Variants in CUL9 observed in about 807,000 individuals in gnomAD.
The protein encoded by CUL9 is cullin-9.
CUL9 carries 79 observed loss-of-function variants against 272.6 expected under a neutral mutation model. That is an observed-to-expected ratio of 0.29 (90% CI 0.24 to 0.35). The LOEUF is 0.35. Ranked by LOEUF, CUL9 falls within the 10% of genes least tolerant of loss-of-function variation. The pLI, the probability that CUL9 is intolerant of heterozygous loss-of-function variation, is 1.00. For synonymous variants in CUL9, 1,186 were observed against 1,286.5 expected (o/e 0.92, Z 1.67); for missense variants, 2,532 against 3,255.6 (o/e 0.78, Z 5.41).
At chr6:43,194,505 G>C (rs1773823445) in intron 9 of CUL9, among the ~76,000 whole-genome samples, 1 of 151,476 alleles carries the variant, frequency 6.6e-6, no homozygotes, top group Admixed American at 6.6e-5. Flanking sequence ...ATTTTTAGTA[G>C]AGACGGGGTT....
Position 43,191,481 on chromosome 6 carries a change from A to ATTTTTTTTTTTTTTTTTTTT in CUL9, c.2181-1515_2181-1496dup, listed in dbSNP as rs34090146. Among the ~76,000 whole-genome samples the ATTTTTTTTTTTTTTTTTTTT allele has an allele frequency of 6.4e-4, 62 of 97,426 alleles. 1 individual carries two copies. Among genetic ancestry groups the ATTTTTTTTTTTTTTTTTTTT allele is most frequent in the African/African-American group, 9.6e-4 (19 of 19,742 alleles). The allele number at this position is 97,426 out of a possible 152,430, so 63.9% of individuals were successfully genotyped here. The stretch of plus-strand genomic sequence containing the variant: ...AGGAATGAGCCACCACACCCAGCTA[A>ATTTTTTTTTTTTTTTTTTTT]TTTTTTTTTTTTTTTTTTTTTTTTA... On this transcript the variant is annotated intron_variant, in intron 8 of 40. Transcript: ENST00000252050.
In CUL9 at chr6:43,196,759, C is replaced by T. The variant is rs770279894; in HGVS notation, c.2700C>T (p.His900=). 5 of 1,614,106 alleles carry T rather than the reference C, an allele frequency of 3.1e-6. No individual in the cohort carries two copies. The South Asian group carries it at 4.4e-5, about 14-fold the overall frequency. ...AGCTGAGAGACACGTTGTTTAGGCACTCAGGGATAGCACCAAGAACAGAAC... is the reference window on the plus strand; with the variant it reads ...AGCTGAGAGACACGTTGTTTAGGCATTCAGGGATAGCACCAAGAACAGAAC... ...TQELRDTLFR[H]SGIAPRTEPM... Residue 900 remains histidine (H), a synonymous_variant, in exon 11 of 41, where the codon CAC becomes CAT. Transcript: ENST00000252050.
rs1360943306 is a variant in CUL9, at chr6:43,187,142, T to A, written c.1387+47T>A. ...GATAGCATGTCTCTGAACAGAGGAT[T>A]AGTGACTGGGATGAAGCCACTTCTG... On this transcript the variant is annotated intron_variant, in intron 5 of 40. Coordinates refer to ENST00000252050, the MANE Select transcript of CUL9 (RefSeq NM_015089.4). The A allele has an allele frequency of 2.5e-6, 4 of 1,608,832 alleles. No individual in the cohort carries two copies. In the Admixed American group the frequency reaches 6.7e-5, roughly 27 times the overall value.
Position 43,205,360 on chromosome 6 carries a change from A to T in CUL9, c.4730A>T (p.His1577Leu). Residue 1577 changes from histidine to leucine, a missense_variant, in exon 24 of 41, where the codon CAC becomes CTC. Coordinates refer to ENST00000252050, the MANE Select transcript of CUL9 (RefSeq NM_015089.4). ...GAAATGCTGGGGCAGCTTCAGCGGC[A>T]CCTGGAACCCATTATGGTCCTTTCT... ...GVEMLGQLQRHLEPIMVLSGL... is the reference protein window; with the variant it reads ...GVEMLGQLQRLLEPIMVLSGL... The T allele has an allele frequency of 6.2e-7, 1 of 1,614,194 alleles. No individual in the cohort carries two copies. Among genetic ancestry groups the T allele is most frequent in the Middle Eastern group, 1.6e-4 (1 of 6,062 alleles).
rs1774794192 is a variant in CUL9 at position 43,203,491 on chromosome 6, G to T, written c.3924G>T (p.Glu1308Asp). ...CCACATTCTGGCCACTGTTCCGGGA[G>T]CAGCTGTGTCGCCGAACATGTCTCT... ...PKPTFWPLFR[E>D]QLCRRTCLFY... is the part of the protein sequence containing the mutation. The change falls in exon 19 of 41, where the codon GAG becomes GAT. Residue 1308 changes from glutamate to aspartate, a missense_variant. Around this residue, in one of 3 missense-constraint regions of CUL9, gnomAD observed 2,218 missense variants for 2,788.6 expected, o/e 0.80. Transcript: ENST00000252050. The surrounding 1 kb of genome is among the most constrained non-coding windows in gnomAD (Gnocchi z 5.0). 1 of 1,614,096 alleles carries T rather than the reference G, an allele frequency of 6.2e-7. No individual in the cohort carries two copies. The highest frequency in any genetic ancestry group is 1.7e-5 in the Admixed American group (1 of 60,006).
chr6:43,224,178 G>T lies in CUL9; in HGVS notation c.7358+10G>T. 1 of 1,614,248 alleles carries T rather than the reference G, an allele frequency of 6.2e-7. No homozygotes were observed. The highest frequency in any genetic ancestry group is 1.7e-5 in the Admixed American group (1 of 60,030). ...ACATGCCTGGCAGTCAGTAAGTGGG[G>T]TGGGCAGAGCCATGGAGGAGGCAGT... On this transcript the variant is annotated intron_variant, in intron 40 of 40. Transcript: ENST00000252050. The surrounding 1 kb of genome is among the most constrained non-coding windows in gnomAD (Gnocchi z 4.2).
At position 43,220,334 on chromosome 6, in the gene CUL9, G is replaced by A. The variant is rs1776246753; in HGVS notation, c.6283-125G>A. 1 of 1,136,782 alleles carries A rather than the reference G, an allele frequency of 8.8e-7. No individual in the cohort carries two copies. The highest frequency in any genetic ancestry group is 2.1e-5 in the Admixed American group (1 of 47,458). The allele number at this position is 1,136,782 out of a possible 1,614,324, so 70.4% of individuals were successfully genotyped here. ...CATTGGTTGATCTAGAGGCAGGCTT[G>A]TTTCTGGCCTTCCACGTTGTAGTGG... is the stretch of plus-strand genomic sequence containing the variant. On this transcript the variant is annotated intron_variant, in intron 31 of 40. Transcript: ENST00000252050. This position sits in a 1 kb window ranked among gnomAD's most constrained non-coding sequence, Gnocchi z 4.9.
Position 43,187,638 on chromosome 6 carries a change from A to G in CUL9, c.1582-75A>G, listed in dbSNP as rs970424168. On this transcript the variant is annotated intron_variant, in intron 6 of 40. Transcript: ENST00000252050. ...AGGTGTGGGGGCATGGTAGGGAGTG[A>G]TCACCCTTCCCATTACTGACCCCAA... 16 of 1,495,248 alleles carry G rather than the reference A, an allele frequency of 1.1e-5. No individual in the cohort carries two copies. In the South Asian group the frequency reaches 2.0e-4, roughly 19 times the overall value. The allele number at this position is 1,495,248 out of a possible 1,614,324, so 92.6% of individuals were successfully genotyped here.
At chr6:43,194,251 C>T (rs1773790217) in intron 9 of CUL9, among the ~76,000 whole-genome samples, 1 of 152,142 alleles carries the variant, frequency 6.6e-6, no homozygotes, top group Non-Finnish European at 1.5e-5. Context: ...GCAGGCTGTC[C>T]CGGGAGAGGC....
In CUL9 at chr6:43,199,215, C is replaced by T. The variant is rs986284924; in HGVS notation, c.3051-51C>T. On this transcript the variant is annotated intron_variant, in intron 12 of 40. Transcript: ENST00000252050. The surrounding 1 kb of genome is among the most constrained non-coding windows in gnomAD (Gnocchi z 4.4). ...CCTCCCAAAGTGCTGGGATTACAGG[C>T]ATGAGCCACTGTGCCTGGCCTGACT... is the stretch of plus-strand genomic sequence containing the variant. The T allele has an allele frequency of 6.9e-7, 1 of 1,447,238 alleles. No homozygotes were observed. Among genetic ancestry groups the T allele is most frequent in the East Asian group, 2.3e-5 (1 of 43,742 alleles). The allele number at this position is 1,447,238 out of a possible 1,614,324, so 89.6% of individuals were successfully genotyped here. A position where few individuals can be genotyped will look rare whatever the true frequency, so the allele number is the denominator to read the frequency against.
At chr6:43,193,408 A>T (rs993034759) in intron 9 of CUL9, among the ~76,000 whole-genome samples, 200 bp downstream of exon 9, 1 of 152,124 alleles carries the variant, frequency 6.6e-6, no homozygotes, top group Non-Finnish European at 1.5e-5. Context: ...TTTTGGGGTT[A>T]TTTTTGTTGG....
At position 43,187,829 on chromosome 6, in the gene CUL9, C is replaced by T. The variant is rs760564000; in HGVS notation, c.1698C>T (p.Ser566=). ...EGSTLNDLLN[S]QIYTKYGLLS... Reference sequence around the variant, plus strand: ...GCACTCTCAATGACCTGCTCAACTCCCAGATCTACACCAAGTATGGGCTGC... The same window carrying T: ...GCACTCTCAATGACCTGCTCAACTCTCAGATCTACACCAAGTATGGGCTGC... Residue 566 remains serine (S), a synonymous_variant, in exon 7 of 41, where the codon TCC becomes TCT. Transcript: ENST00000252050. 104 of 1,613,862 alleles carry T rather than the reference C, an allele frequency of 6.4e-5. No individual in the cohort carries two copies. The highest frequency in any genetic ancestry group is 8.6e-5 in the Non-Finnish European group (101 of 1,180,006).
intron 6 of CUL9, 136 bp from the exon 7 acceptor site, chr6:43,187,577 G>T: frequency 7.6e-7 from 1 of 1,324,186 alleles, no homozygotes. Flanking sequence ...CCTGCTGGGG[G>T]TTGGAGGCAA....
At chr6:43,188,295 G>C (rs1233951711) in intron 7 of CUL9, 177 bp downstream of exon 7, 1 of 842,410 alleles carries the variant, frequency 1.2e-6, no homozygotes, top group African/African-American at 1.7e-5. Context: ...TAATTAACCA[G>C]CGCTCCCTTC....
chr6:43,195,497 A>G (rs907164755), intron 9 of CUL9, among the ~76,000 whole-genome samples: 15 of 152,152 alleles, frequency 9.9e-5, no homozygotes, highest in African/African-American at 3.4e-4. Context: ...AATTGAAGCA[A>G]TGTGAATGGA....
rs59298334 is a variant in CUL9 at position 43,213,560 on chromosome 6, A to G, written c.5481A>G (p.Pro1827=). 3.5e-3 allele frequency: 5,520 copies of G among 1,573,936 alleles called. 144 individuals are homozygous for G. The African/African-American group carries it at 0.063, about 18-fold the overall frequency. ...PLTLHEGQDF[P]HGGVLRLHEP... ...CCCTGCATGAGGGCCAGGACTTTCC[A>G]CACGGGGGTAGGTCATTGGGGGCCG... The change falls in exon 28 of 41, where the codon CCA becomes CCG. Residue 1827 remains proline, a synonymous_variant. Coordinates refer to ENST00000252050, the MANE Select transcript of CUL9 (RefSeq NM_015089.4). This position sits in a 1 kb window ranked among gnomAD's most constrained non-coding sequence, Gnocchi z 5.7.
Position 43,186,097 on chromosome 6 carries a change from G to A in CUL9, c.893G>A (p.Arg298Gln), listed in dbSNP as rs1284146044. Residue 298 changes from arginine (R) to glutamine (Q), a missense_variant, in exon 4 of 41, where the codon CGG becomes CAG. Coordinates refer to ENST00000252050, the MANE Select transcript of CUL9 (RefSeq NM_015089.4). ...CATREKSRGQ[R>Q]ELEFSMAVGN... ...ACAAGAGAGAAAAGCCGGGGACAGC[G>A]GGAACTGGAGTTCAGCATGGCTGTG... The A allele has an allele frequency of 1.2e-6, 2 of 1,614,240 alleles. No individual in the cohort carries two copies. The highest frequency in any genetic ancestry group is 1.7e-6 in the Non-Finnish European group (2 of 1,180,038).
chr6:43,193,542 T>TTTTGTTTG (rs548264177), intron 9 of CUL9, among the ~76,000 whole-genome samples: 1 of 151,740 alleles, frequency 6.6e-6, no homozygotes, highest in African/African-American at 2.4e-5. Flanking sequence ...CCAGGAGGTT[T>TTTTGTTTG]TTTGTTTGTT....
Position 43,193,095 on chromosome 6 carries a change from A to G in CUL9, c.2275A>G (p.Met759Val). The G allele has an allele frequency of 6.2e-7, 1 of 1,614,214 alleles. No individual in the cohort carries two copies. The highest frequency in any genetic ancestry group is 8.5e-7 in the Non-Finnish European group (1 of 1,180,030). Residue 759 changes from methionine to valine, a missense_variant, in exon 9 of 41, where the codon ATG (methionine) becomes GTG (valine). Coordinates refer to ENST00000252050, the MANE Select transcript of CUL9 (RefSeq NM_015089.4). ...VQALRLLYLL[M>V]TKHEWRPLFA... ...GGCCCTGCGCCTCCTTTACCTGCTCATGACCAAGCACGAGTGGCGGCCGCT... is the reference window on the plus strand; with the variant it reads ...GGCCCTGCGCCTCCTTTACCTGCTCGTGACCAAGCACGAGTGGCGGCCGCT...
Sources: allele counts gnomAD v4.1 joint callset (sites outside exome capture counted in the v4.1 genomes callset), GRCh38; gene constraint gnomAD v4.1.1; regional missense constraint gnomAD v4.1.1; non-coding constraint Gnocchi (gnomAD v3.1); transcripts MANE v1.5; gene names NCBI Gene and HGNC (gene_info 2026-07-23, HGNC 2026-07-21).